Variants in LRRN1 observed in about 807,000 individuals in gnomAD.
LRRN1 encodes leucine rich repeat neuronal 1.
Under a neutral mutation model 45.8 loss-of-function variants are expected in LRRN1, and 14 were observed. The ratio of observed to expected loss-of-function variants is 0.31; its 90% CI spans 0.20 to 0.48. LRRN1 has a LOEUF of 0.48. Ranked by LOEUF, LRRN1 falls within the 20% of genes least tolerant of loss-of-function variation. The pLI, the probability that LRRN1 is intolerant of heterozygous loss-of-function variation, is 0.99. For missense variants in LRRN1, 789 were observed against 874.2 expected (o/e 0.90, Z 1.23); for synonymous variants, 359 against 330.1 (o/e 1.09, Z -0.95).
At chr3:3,807,771 A>T (rs753889961) in intron 1 of LRRN1, among the ~76,000 whole-genome samples, 9 of 152,118 alleles carry the variant, frequency 5.9e-5, no homozygotes, top group Non-Finnish European at 1.0e-4. Context: ...CCATCAGAGA[A>T]CCATAAGGAC....
chr3:3,832,265 G>C (rs1693389345), intron 1 of LRRN1, among the ~76,000 whole-genome samples: 1 of 152,190 alleles, frequency 6.6e-6, no homozygotes, highest in South Asian at 2.1e-4. Flanking sequence ...TTTCTAGGTA[G>C]AGGCAGCTCT....
At chr3:3,830,062 C>A (rs1013286301) in intron 1 of LRRN1, among the ~76,000 whole-genome samples, 1 of 152,142 alleles carries the variant, frequency 6.6e-6, no homozygotes, top group Non-Finnish European at 1.5e-5. Context: ...TAACCTATAT[C>A]CCTGCCACCA....
In LRRN1 at chr3:3,846,949, C is replaced by T. The variant is rs910962269; in HGVS notation, c.*157C>T. ...GATATTTCAAATTTTTTTAGTATAG[C>T]GTATCGCAAGGGTTTGACACGGCTG... is the stretch of plus-strand genomic sequence containing the variant. On this transcript the variant is annotated 3_prime_UTR_variant, in exon 2 of 2. Transcript: ENST00000319331. This position sits in a 1 kb window ranked among gnomAD's most constrained non-coding sequence, Gnocchi z 5.7. 1.0e-5 allele frequency: 6 copies of T among 602,136 alleles called. No homozygotes were observed. The highest frequency in any genetic ancestry group is 3.4e-5 in the Admixed American group (1 of 29,308). 37.3% of individuals were successfully genotyped at this position (602,136 alleles called of 1,614,324 possible). A position where few individuals can be genotyped will look rare whatever the true frequency, so the allele number is the denominator to read the frequency against.
intron 1 of LRRN1, chr3:3,800,820 A>C (rs1692634574): frequency 6.5e-6 from 1 of 152,868 alleles, no homozygotes; most frequent in Admixed American, 6.5e-5. Flanking sequence ...GGGAAGCCTC[A>C]GCCCCGCCAG....
chr3:3,841,047 C>T (rs1204739281), intron 1 of LRRN1, among the ~76,000 whole-genome samples: 2 of 152,116 alleles, frequency 1.3e-5, no homozygotes, highest in Non-Finnish European at 2.9e-5. Flanking sequence ...CACCTGTAAT[C>T]CCAGCACTTT....
At chr3:3,802,109 G>A (rs1474063648) in intron 1 of LRRN1, among the ~76,000 whole-genome samples, 1 of 152,194 alleles carries the variant, frequency 6.6e-6, no homozygotes, top group Admixed American at 6.5e-5. Flanking sequence ...TGATGCAACT[G>A]TCCCAACCCT....
In LRRN1 at chr3:3,845,331, T is replaced by G; in HGVS notation, c.690T>G (p.Ile230Met). 6.2e-7 allele frequency: 1 copy of G among 1,614,088 alleles called. No homozygotes were observed. The highest frequency in any genetic ancestry group is 2.2e-5 in the East Asian group (1 of 44,874). Residue 230 changes from isoleucine to methionine, a missense_variant, in exon 2 of 2, where the codon ATT (isoleucine) becomes ATG (methionine). Coordinates refer to ENST00000319331, the MANE Select transcript of LRRN1 (RefSeq NM_020873.7). This position sits in a 1 kb window ranked among gnomAD's most constrained non-coding sequence, Gnocchi z 6.5. ...TGGCAGGAATGTATCTCACTGATAT[T>G]CCTGGAAATGCTTTGGTGGGTCTGG... ...LVLAGMYLTD[I>M]PGNALVGLDS...
At chr3:3,837,647 C>G (rs1372952509) in intron 1 of LRRN1, among the ~76,000 whole-genome samples, 1 of 152,066 alleles carries the variant, frequency 6.6e-6, no homozygotes, top group African/African-American at 2.4e-5. Flanking sequence ...GAATGGACAG[C>G]AGCAGGGTTC....
chr3:3,834,338 C>T (rs975655253), intron 1 of LRRN1, among the ~76,000 whole-genome samples: 8 of 151,086 alleles, frequency 5.3e-5, no homozygotes, highest in Non-Finnish European at 1.2e-4. Context: ...TTTACAACAA[C>T]GACTATCAGT....
chr3:3,802,939 TGAAAG>T (rs1207826693), intron 1 of LRRN1, among the ~76,000 whole-genome samples: 1 of 152,222 alleles, frequency 6.6e-6, no homozygotes, highest in Non-Finnish European at 1.5e-5. Flanking sequence ...GCAAGTCTAA[TGAAAG>T]GACAGATTAG....
chr3:3,819,412 C>A (rs1371122801), intron 1 of LRRN1, among the ~76,000 whole-genome samples: 1 of 152,150 alleles, frequency 6.6e-6, no homozygotes, highest in Non-Finnish European at 1.5e-5. Flanking sequence ...GGCTAGAAGT[C>A]CAAGATGAAA....
intron 1 of LRRN1, among the ~76,000 whole-genome samples, chr3:3,839,798 A>G (rs928167479): frequency 6.6e-6 from 1 of 152,080 alleles, no homozygotes; most frequent in Non-Finnish European, 1.5e-5. Context: ...TTGTTAGTTT[A>G]TGGAAATATA....
At chr3:3,837,924 CTCCCTGTGTGTCCATG>C (rs1437436903) in intron 1 of LRRN1, among the ~76,000 whole-genome samples, 1 of 152,086 alleles carries the variant, frequency 6.6e-6, no homozygotes, top group Non-Finnish European at 1.5e-5. Flanking sequence ...TGTCGTTCCC[CTCCCTGTGTGTCCATG>C]TGTTCTCATT....
rs1337583009 is a variant in LRRN1 at position 3,847,466 on chromosome 3, T to A, written c.*674T>A. The A allele has an allele frequency of 1.2e-5, 2 of 167,010 alleles. No homozygotes were observed. The highest frequency in any genetic ancestry group is 2.9e-5 in the Non-Finnish European group (2 of 68,118). 10.3% of individuals were successfully genotyped at this position (167,010 alleles called of 1,614,324 possible). ...GAAATATGTATATCAGATTTTTTAA[T>A]GTAACAAACTACATGTTAATTGTTA... is the stretch of plus-strand genomic sequence containing the variant. On this transcript the variant is annotated 3_prime_UTR_variant, in exon 2 of 2. Coordinates refer to ENST00000319331, the MANE Select transcript of LRRN1 (RefSeq NM_020873.7).
intron 1 of LRRN1, among the ~76,000 whole-genome samples, chr3:3,824,811 C>G (rs1693181871): frequency 2.0e-5 from 3 of 152,174 alleles, no homozygotes; most frequent in Non-Finnish European, 4.4e-5. Flanking sequence ...GATTGTCTAT[C>G]TAGAGTGCAG....
At chr3:3,808,250 T>C (rs1692807100) in intron 1 of LRRN1, among the ~76,000 whole-genome samples, 1 of 152,102 alleles carries the variant, frequency 6.6e-6, no homozygotes, top group Non-Finnish European at 1.5e-5. Context: ...GTAGTAGCAG[T>C]AGAATAATGA....
intron 1 of LRRN1, among the ~76,000 whole-genome samples, chr3:3,810,796 G>T (rs1284208866): frequency 6.6e-6 from 1 of 152,206 alleles, no homozygotes; most frequent in Non-Finnish European, 1.5e-5. Context: ...ACCCACAGAG[G>T]CCAGTTGCTA....
chr3:3,839,372 C>T (rs137978868), intron 1 of LRRN1, among the ~76,000 whole-genome samples: 1 of 152,266 alleles, frequency 6.6e-6, no homozygotes, highest in Non-Finnish European at 1.5e-5. Flanking sequence ...TATGTCAGTA[C>T]CACACCATCT....
intron 1 of LRRN1, among the ~76,000 whole-genome samples, chr3:3,842,609 C>T (rs1693673925): frequency 6.6e-6 from 1 of 152,054 alleles, no homozygotes; most frequent in African/African-American, 2.4e-5. Context: ...AGCATGAATT[C>T]AGAGCTTGCT....
Sources: allele counts gnomAD v4.1 joint callset (sites outside exome capture counted in the v4.1 genomes callset), GRCh38; gene constraint gnomAD v4.1.1; non-coding constraint Gnocchi (gnomAD v3.1); transcripts MANE v1.5; gene names NCBI Gene and HGNC (gene_info 2026-07-23, HGNC 2026-07-21).